The following LSM4 variants were observed in gnomAD, a reference collection of about 807,000 sequenced individuals.
LSM4 encodes U6 snRNA-associated Sm-like protein LSm4.
Under a neutral mutation model 22.3 loss-of-function variants are expected in LSM4, and 15 were observed. That is an observed-to-expected ratio of 0.67 (90% CI 0.45 to 1.03). LSM4 has a LOEUF of 1.03. Among genes scored for constraint, LSM4 ranks in the 50% least tolerant of loss-of-function variants. The pLI is 0.00. For missense variants in LSM4, 127 were observed against 198.0 expected (o/e 0.64, Z 2.15); for synonymous variants, 90 against 79.8 (o/e 1.13, Z -0.68).
At chr19:18,307,947 C>CGG (rs145944198) in intron 4 of LSM4, among the ~76,000 whole-genome samples, 6 of 120,826 alleles carry the variant, frequency 5.0e-5, no homozygotes, top group South Asian at 2.6e-4. Context: ...GGCTCCCTGG[C>CGG]GGGGGGGGGG....
At chr19:18,307,993 C>T (rs910583437) in intron 4 of LSM4, among the ~76,000 whole-genome samples, 9 of 152,016 alleles carry the variant, frequency 5.9e-5, no homozygotes, top group Non-Finnish European at 1.2e-4. Context: ...AGCCCCTCAT[C>T]TACCTGCCAG....
chr19:18,307,483 C>G lies in LSM4; in HGVS notation c.401G>C (p.Arg134Thr). 1 of 1,552,308 alleles carries G rather than the reference C, an allele frequency of 6.4e-7. No individual in the cohort carries two copies. Among genetic ancestry groups the G allele is most frequent in the East Asian group, 2.5e-5 (1 of 40,714 alleles). Reference sequence around the variant, plus strand: ...GGGCGCTCACTGTTTGCCCGCCTGTCTGCCAGGCTTCTTCTCTGGCTGGCC... The same window carrying G: ...GGGCGCTCACTGTTTGCCCGCCTGTGTGCCAGGCTTCTTCTCTGGCTGGCC... ...GRGQPEKKPG[R>T]QAGKQ is the part of the protein sequence containing the mutation. The change falls in exon 5 of 5, where the codon AGA becomes ACA. Residue 134 changes from arginine to threonine, a missense_variant. Physicochemically the swap from Arg to Thr is moderately conservative, Grantham distance 71. Coordinates refer to ENST00000593829, the MANE Select transcript of LSM4 (RefSeq NM_012321.5).
chr19:18,317,781 T>C (rs1970374809), intron 1 of LSM4, among the ~76,000 whole-genome samples: 1 of 152,122 alleles, frequency 6.6e-6, no homozygotes, highest in Non-Finnish European at 1.5e-5. Flanking sequence ...TCCTCCCATC[T>C]CAAGCTCCCA....
Position 18,307,574 on chromosome 19 carries a change from G to T in LSM4, c.329-19C>A. On this transcript the variant is annotated intron_variant, in intron 4 of 4. Transcript: ENST00000593829. ...AACACACCTAGAGGACAGAGAGAGGGCGCTGCAGCAGAGCCAGGTGGGTGG... is the reference window on the plus strand; with the variant it reads ...AACACACCTAGAGGACAGAGAGAGGTCGCTGCAGCAGAGCCAGGTGGGTGG... The T allele has an allele frequency of 6.8e-7, 1 of 1,481,372 alleles. No individual in the cohort carries two copies. The highest frequency in any genetic ancestry group is 1.3e-5 in the South Asian group (1 of 76,866). The allele number at this position is 1,481,372 out of a possible 1,614,324, so 91.8% of individuals were successfully genotyped here.
chr19:18,321,488 T>C (rs563173057), intron 1 of LSM4, among the ~76,000 whole-genome samples: 1 of 152,222 alleles, frequency 6.6e-6, no homozygotes, highest in Non-Finnish European at 1.5e-5. Flanking sequence ...AAACTAACCT[T>C]GGGAAGGGAT....
intron 3 of LSM4, 176 bp from the exon 4 acceptor site, chr19:18,310,037 T>A (rs1205939456): frequency 1.7e-6 from 1 of 604,080 alleles, no homozygotes; most frequent in Admixed American, 3.4e-5. Context: ...GCAGGATCTG[T>A]CCTGACCCCA....
At chr19:18,309,897 C>T (rs369415813) in intron 3 of LSM4, 36 bp from the exon 4 acceptor site, 43 of 1,600,272 alleles carry the variant, frequency 2.7e-5, no homozygotes, top group East Asian at 6.8e-5. Context: ...AACTTACCAC[C>T]GGGCCGTCTG....
At chr19:18,315,935 C>T (rs1004377957) in intron 2 of LSM4, 89 bp downstream of exon 2, 13 of 1,211,280 alleles carry the variant, frequency 1.1e-5, no homozygotes, top group Middle Eastern at 2.3e-4. Flanking sequence ...GGTGGACAGG[C>T]AGGCCAGGAA....
chr19:18,307,643 C>T, intron 4 of LSM4, 88 bp from the exon 5 acceptor site: 2 of 946,958 alleles, frequency 2.1e-6, no homozygotes, highest in Admixed American at 3.6e-5. Context: ...TAGGCCAGGT[C>T]ACCTAAGTCT....
At chr19:18,317,897 TG>T (rs528495145) in intron 1 of LSM4, among the ~76,000 whole-genome samples, 2 of 152,110 alleles carry the variant, frequency 1.3e-5, no homozygotes, top group African/African-American at 2.4e-5. Context: ...TTTCTATTAC[TG>T]GGGGGGAAAT....
chr19:18,311,020 G>A (rs1317940919), intron 3 of LSM4, among the ~76,000 whole-genome samples: 2 of 152,200 alleles, frequency 1.3e-5, no homozygotes, highest in African/African-American at 4.8e-5. Context: ...CACCTGGGTA[G>A]GTGTGGCCTG....
Position 18,306,248 on chromosome 19 carries a change from G to A in LSM4, c.*1216C>T, listed in dbSNP as rs1374748325. The A allele has an allele frequency of 3.3e-5, 5 of 152,164 alleles. 1 individual carries two copies. Among genetic ancestry groups the A allele is most frequent in the Admixed American group, 6.6e-5 (1 of 15,266 alleles). 9.4% of individuals were successfully genotyped at this position (152,164 alleles called of 1,614,324 possible). ...TCAAGAAAAAGAGTTCCTCACGGAC[G>A]GGACCTTTTATTCCAATCACCTCTC... On this transcript the variant is annotated 3_prime_UTR_variant, in exon 5 of 5. Coordinates refer to ENST00000593829, the MANE Select transcript of LSM4 (RefSeq NM_012321.5).
At chr19:18,318,993 G>A (rs550810530) in intron 1 of LSM4, among the ~76,000 whole-genome samples, 6 of 152,324 alleles carry the variant, frequency 3.9e-5, no homozygotes, top group South Asian at 2.1e-4. Flanking sequence ...CTGTAATCTC[G>A]GCACTTTGGG....
intron 4 of LSM4, 71 bp from the exon 5 acceptor site, chr19:18,307,626 G>A: frequency 8.7e-7 from 1 of 1,150,814 alleles, no homozygotes; most frequent in Non-Finnish European, 1.2e-6. Context: ...CCGGCGCCCT[G>A]AAACTCTAGG....
At chr19:18,322,227 G>C (rs1171320788) in intron 1 of LSM4, among the ~76,000 whole-genome samples, 1 of 152,038 alleles carries the variant, frequency 6.6e-6, no homozygotes, top group African/African-American at 2.4e-5. Context: ...CCCCAACAAG[G>C]GCCTTGGTTT....
At chr19:18,311,051 G>A (rs1287533292) in intron 3 of LSM4, among the ~76,000 whole-genome samples, 1 of 152,172 alleles carries the variant, frequency 6.6e-6, no homozygotes, top group Non-Finnish European at 1.5e-5. Context: ...GGGCGGGGAG[G>A]AACAGCCCCT....
At chr19:18,312,939 G>A (rs767829217) in intron 2 of LSM4, among the ~76,000 whole-genome samples, 15 of 152,234 alleles carry the variant, frequency 9.9e-5, no homozygotes, top group Non-Finnish European at 2.2e-4. Context: ...AATGATACTG[G>A]GCCGGGCGCG....
At position 18,312,759 on chromosome 19, in the gene LSM4, C is replaced by T. The variant is rs377651754; in HGVS notation, c.46-57G>A. On this transcript the variant is annotated intron_variant, in intron 2 of 4. Coordinates refer to ENST00000593829, the MANE Select transcript of LSM4 (RefSeq NM_012321.5). ...AGCCCTGGAGCCCTGCGCCATGGGC[C>T]CCTCAGGAGGTGTAGCTCTGCCCTG... 2.3e-6 allele frequency: 3 copies of T among 1,326,036 alleles called. No homozygotes were observed. The South Asian group carries it at 3.5e-5, about 16-fold the overall frequency. 82.1% of individuals were successfully genotyped at this position (1,326,036 alleles called of 1,614,324 possible). A position where few individuals can be genotyped will look rare whatever the true frequency, so the allele number is the denominator to read the frequency against.
Position 18,309,856 on chromosome 19 carries a change from C to T in LSM4, c.150G>A (p.Gly50=). ...LREVICTSRD[G]DKFWRMPECY... ...ACTCGGGCATCCGCCAGAACTTGTC[C>T]CCGTCCTGCGGAGAAGGGGAGCAGG... The change falls in exon 4 of 5, where the codon GGG becomes GGA. Residue 50 remains glycine, a synonymous_variant. Transcript: ENST00000593829. 1.9e-6 allele frequency: 3 copies of T among 1,613,466 alleles called. No homozygotes were observed. The highest frequency in any genetic ancestry group is 2.5e-6 in the Non-Finnish European group (3 of 1,179,782).
Sources: allele counts gnomAD v4.1 joint callset (sites outside exome capture counted in the v4.1 genomes callset), GRCh38; gene constraint gnomAD v4.1.1; transcripts MANE v1.5; gene names NCBI Gene and HGNC (gene_info 2026-07-23, HGNC 2026-07-21).